Variants in CFAP299 observed in about 807,000 individuals in gnomAD.
CFAP299 encodes the protein cilia- and flagella-associated protein 299.
CFAP299 carries 21 observed loss-of-function variants against 27.0 expected under a neutral mutation model. The ratio of observed to expected loss-of-function variants is 0.78; its 90% CI spans 0.55 to 1.12. CFAP299 has a LOEUF of 1.12. CFAP299 is among the 50% of genes most tolerant of loss of function. The pLI, the probability that CFAP299 is intolerant of heterozygous loss-of-function variation, is 0.00. For missense variants in CFAP299, 310 were observed against 276.6 expected (o/e 1.12, Z -0.86); for synonymous variants, 104 against 98.1 (o/e 1.06, Z -0.36).
intron 2 of CFAP299, among the ~76,000 whole-genome samples, chr4:80,407,963 T>C (rs1169338982): frequency 6.6e-6 from 1 of 152,246 alleles, no homozygotes; most frequent in African/African-American, 2.4e-5. Context: ...ATCATTCATA[T>C]TATTGTGTGC....
At chr4:80,884,458 G>A (rs2110179519) in intron 4 of CFAP299, among the ~76,000 whole-genome samples, 1 of 152,122 alleles carries the variant, frequency 6.6e-6, no homozygotes, top group South Asian at 2.1e-4. Flanking sequence ...AATGTCTTTA[G>A]ACACATTTAA....
intron 3 of CFAP299, among the ~76,000 whole-genome samples, chr4:80,839,483 T>C (rs572746140): frequency 1.3e-5 from 2 of 152,250 alleles, no homozygotes; most frequent in East Asian, 3.9e-4. Context: ...GCAGGTTTGC[T>C]TCCCTCTCCC....
intron 3 of CFAP299, among the ~76,000 whole-genome samples, chr4:80,692,306 T>C (rs1720767766): frequency 6.6e-6 from 1 of 151,652 alleles, no homozygotes; most frequent in African/African-American, 2.4e-5. Context: ...ACTACAAGGC[T>C]ACAGTAACCA....
At chr4:80,814,346 G>A (rs1729313770) in intron 3 of CFAP299, among the ~76,000 whole-genome samples, 1 of 152,006 alleles carries the variant, frequency 6.6e-6, no homozygotes, top group African/African-American at 2.4e-5. Context: ...TGTACTTGAT[G>A]CTGGCATTTG....
chr4:80,699,541 G>A (rs561306575), intron 3 of CFAP299, among the ~76,000 whole-genome samples: 12 of 152,230 alleles, frequency 7.9e-5, no homozygotes, highest in African/African-American at 2.4e-4. Flanking sequence ...TCTCTCCTCT[G>A]ATCAAGAAAT....
At chr4:80,821,393 T>G (rs1281241141) in intron 3 of CFAP299, among the ~76,000 whole-genome samples, 2 of 152,196 alleles carry the variant, frequency 1.3e-5, no homozygotes, top group East Asian at 3.8e-4. Context: ...TTTTAACTCC[T>G]TTAATAGTAA....
At chr4:80,674,257 A>G (rs1292222031) in intron 3 of CFAP299, among the ~76,000 whole-genome samples, 1 of 152,016 alleles carries the variant, frequency 6.6e-6, no homozygotes, top group African/African-American at 2.4e-5. Context: ...TCTGTAAAGG[A>G]TTTTATTTCC....
At chr4:80,957,780 G>A (rs562699946) in intron 5 of CFAP299, among the ~76,000 whole-genome samples, 229 of 152,184 alleles carry the variant, frequency 1.5e-3, no homozygotes, top group African/African-American at 5.2e-3. Flanking sequence ...CCATTTCAAA[G>A]TTTTTCACAA....
intron 2 of CFAP299, among the ~76,000 whole-genome samples, chr4:80,370,755 T>C (rs4558868): frequency 6.6e-6 from 1 of 152,242 alleles, no homozygotes; most frequent in Non-Finnish European, 1.5e-5. Context: ...CCTTGTGGCT[T>C]TGTGGCTTCA....
At chr4:80,581,495 G>C (rs1412311396) in intron 2 of CFAP299, among the ~76,000 whole-genome samples, 1 of 86,490 alleles carries the variant, frequency 1.2e-5, no homozygotes, top group African/African-American at 8.6e-5. Context: ...TATATGACAA[G>C]CTGAGGAAGA....
chr4:80,380,584 C>T (rs1279143421), intron 2 of CFAP299, among the ~76,000 whole-genome samples: 1 of 151,936 alleles, frequency 6.6e-6, no homozygotes, highest in African/African-American at 2.4e-5. Context: ...CATGCCACCA[C>T]ACCTGGCTAA....
chr4:80,413,155 T>C (rs1179076356), intron 2 of CFAP299, among the ~76,000 whole-genome samples: 3 of 152,154 alleles, frequency 2.0e-5, no homozygotes, highest in Non-Finnish European at 4.4e-5. Context: ...GGTGAAAGCT[T>C]AACTGGAGTG....
chr4:80,472,427 T>C (rs1410268497), intron 2 of CFAP299, among the ~76,000 whole-genome samples: 1 of 152,190 alleles, frequency 6.6e-6, no homozygotes, highest in African/African-American at 2.4e-5. Context: ...AAAAAAACTA[T>C]GCTATTGCCG....
chr4:80,702,294 C>T (rs1244429615), intron 3 of CFAP299, among the ~76,000 whole-genome samples: 1 of 151,770 alleles, frequency 6.6e-6, no homozygotes, highest in African/African-American at 2.4e-5. Flanking sequence ...TGAATCTATA[C>T]ACAGTTTATT....
intron 3 of CFAP299, among the ~76,000 whole-genome samples, chr4:80,838,866 C>T (rs1313370267): frequency 6.6e-6 from 1 of 152,048 alleles, no homozygotes; most frequent in African/African-American, 2.4e-5. Flanking sequence ...AGCAGGAACT[C>T]TTATCTGCTG....
intron 2 of CFAP299, among the ~76,000 whole-genome samples, chr4:80,558,014 A>T (rs910746842): frequency 2.7e-5 from 4 of 149,840 alleles, no homozygotes; most frequent in African/African-American, 9.9e-5. Flanking sequence ...ATCACTAGAA[A>T]GCCTCACATT....
At chr4:80,546,305 A>G (rs1734224609) in intron 2 of CFAP299, among the ~76,000 whole-genome samples, 1 of 152,116 alleles carries the variant, frequency 6.6e-6, no homozygotes, top group Non-Finnish European at 1.5e-5. Flanking sequence ...AGTGTACAAA[A>G]ATCAGTAGCA....
intron 3 of CFAP299, among the ~76,000 whole-genome samples, chr4:80,818,267 T>C (rs1347770091): frequency 6.6e-6 from 1 of 152,200 alleles, no homozygotes; most frequent in Admixed American, 6.5e-5. Context: ...GACGTTTAGG[T>C]TGATTCATAT....
At chr4:80,745,895 C>A (rs1446786942) in intron 3 of CFAP299, among the ~76,000 whole-genome samples, 1 of 152,092 alleles carries the variant, frequency 6.6e-6, no homozygotes, top group African/African-American at 2.4e-5. Flanking sequence ...CTGGTCAGAA[C>A]ATCACCCAGT....
Sources: gnomAD v4.1 joint callset for allele counts (sites outside exome capture counted in the v4.1 genomes callset) on GRCh38, gnomAD v4.1.1 for gene constraint, MANE v1.5 for transcripts, NCBI Gene and HGNC (gene_info 2026-07-23, HGNC 2026-07-21) for gene names.